The following C12orf42 variants were observed in gnomAD, a reference collection of about 807,000 sequenced individuals.
C12orf42 encodes the protein uncharacterized protein C12orf42.
In C12orf42, 25 loss-of-function variants were observed where a neutral mutation model predicts 21.6. That is an observed-to-expected ratio of 1.16 (90% CI 0.84 to 1.62). C12orf42 has a LOEUF of 1.62. Among genes scored for constraint, C12orf42 ranks in the 40% most tolerant of loss-of-function variants. C12orf42 has a pLI of 0.00. For missense variants in C12orf42, 483 were observed against 459.3 expected, an observed-to-expected ratio of 1.05 and a Z score of -0.47; for synonymous variants, 174 against 175.0, an observed-to-expected ratio of 0.99 and a Z score of 0.05.
chr12:103,260,739 A>G (rs1210907749), intron 10 of C12orf42, among the ~76,000 whole-genome samples: 2 of 152,252 alleles, frequency 1.3e-5, no homozygotes, highest in Non-Finnish European at 2.9e-5. Context: ...TAGGCATACC[A>G]TGCAAATGCA....
At chr12:103,506,685 T>C in the C12orf42 span, among the ~76,000 whole-genome samples, 1 of 148,550 alleles carries the variant, frequency 6.7e-6, no homozygotes, top group African/African-American at 2.5e-5. Context: ...TTCTCAGTAA[T>C]GTTCCAATTG....
intron 2 of C12orf42, among the ~76,000 whole-genome samples, chr12:103,468,246 G>A (rs1565877367): frequency 6.6e-6 from 1 of 152,140 alleles, no homozygotes. Context: ...TTAATTAGAT[G>A]TAATGATCAG....
the C12orf42 span, among the ~76,000 whole-genome samples, chr12:103,523,297 T>C: frequency 2.0e-5 from 3 of 152,190 alleles, no homozygotes; most frequent in Non-Finnish European, 4.4e-5. Context: ...TTAGACAGCC[T>C]ATGTGTATAC....
chr12:103,554,646 C>T, the C12orf42 span, among the ~76,000 whole-genome samples: 1 of 151,860 alleles, frequency 6.6e-6, no homozygotes, highest in African/African-American at 2.4e-5. Context: ...CTGAAGAGGC[C>T]CCAGAAAACT....
intron 2 of C12orf42, among the ~76,000 whole-genome samples, chr12:103,415,499 A>T (rs1331958204): frequency 6.6e-6 from 1 of 152,208 alleles, no homozygotes; most frequent in Admixed American, 6.5e-5. Flanking sequence ...TGCACACAGA[A>T]CATATTCTAA....
At chr12:103,198,527 C>G in the C12orf42 span, among the ~76,000 whole-genome samples, 57,135 of 152,100 alleles carry the variant, frequency 0.38, 11,292 homozygotes, top group South Asian at 0.45. Flanking sequence ...GGGCATCCCT[C>G]GCCATGCTCC....
chr12:103,439,059 G>T (rs967005909), intron 2 of C12orf42, among the ~76,000 whole-genome samples: 1 of 151,982 alleles, frequency 6.6e-6, no homozygotes, highest in Non-Finnish European at 1.5e-5. Context: ...CCAAAACAGA[G>T]ATATAGATCA....
intron 5 of C12orf42, 139 bp from the exon 6 acceptor site, chr12:103,302,698 C>G (rs531563953): frequency 4.6e-6 from 3 of 656,476 alleles, no homozygotes; most frequent in African/African-American, 1.9e-5. Context: ...AAAAAAAACC[C>G]TGACATGATC....
the C12orf42 span, among the ~76,000 whole-genome samples, chr12:103,228,863 C>T: frequency 2.6e-5 from 4 of 151,180 alleles, no homozygotes; most frequent in South Asian, 4.2e-4. Context: ...CATTCTAGAT[C>T]AAGCCCAGGA....
intron 4 of C12orf42, among the ~76,000 whole-genome samples, chr12:103,286,829 C>T (rs1474291608): frequency 1.3e-5 from 2 of 151,670 alleles, no homozygotes; most frequent in African/African-American, 4.8e-5. Flanking sequence ...GCACTCTAAA[C>T]AGGAATGTGT....
the C12orf42 span, among the ~76,000 whole-genome samples, chr12:103,226,499 AAG>A: frequency 6.6e-6 from 1 of 152,200 alleles, no homozygotes; most frequent in Non-Finnish European, 1.5e-5. Context: ...TTTGATGAAA[AAG>A]AGCCTAAATG....
intron 2 of C12orf42, among the ~76,000 whole-genome samples, chr12:103,447,520 T>C (rs1951656556): frequency 6.6e-6 from 1 of 151,912 alleles, no homozygotes; most frequent in Non-Finnish European, 1.5e-5. Context: ...TTGCTGATGA[T>C]ATAATCATAC....
the C12orf42 span, among the ~76,000 whole-genome samples, chr12:103,072,966 G>T: frequency 6.6e-6 from 1 of 152,090 alleles, no homozygotes; most frequent in South Asian, 2.1e-4. Flanking sequence ...TAAACACGTG[G>T]TACATATACA....
chr12:103,480,003 A>G (rs1954351847), intron 1 of C12orf42, among the ~76,000 whole-genome samples: 1 of 152,102 alleles, frequency 6.6e-6, no homozygotes, highest in Non-Finnish European at 1.5e-5. Context: ...TAGTTTGTAT[A>G]GGATTTAAAT....
chr12:103,334,306 G>T, intron 4 of C12orf42, among the ~76,000 whole-genome samples: 1 of 152,132 alleles, frequency 6.6e-6, no homozygotes, highest in Non-Finnish European at 1.5e-5. Context: ...CAAACAGGAA[G>T]AGAACAAATA....
At chr12:103,139,105 C>T in the C12orf42 span, among the ~76,000 whole-genome samples, 2 of 152,142 alleles carry the variant, frequency 1.3e-5, no homozygotes, top group African/African-American at 2.4e-5. Context: ...ACTTTACTAA[C>T]AAACAAAAAG....
the C12orf42 span, among the ~76,000 whole-genome samples, chr12:103,091,093 A>T: frequency 6.6e-6 from 1 of 152,220 alleles, no homozygotes; most frequent in African/African-American, 2.4e-5. Flanking sequence ...GAATTTTTGA[A>T]TCTATAGCCA....
chr12:103,129,866 A>G, the C12orf42 span, among the ~76,000 whole-genome samples: 80 of 152,174 alleles, frequency 5.3e-4, no homozygotes, highest in Non-Finnish European at 1.0e-3. Flanking sequence ...TCTGTTACCA[A>G]CTACTGCTCC....
chr12:103,562,383 T>A, the C12orf42 span, among the ~76,000 whole-genome samples: 1 of 152,212 alleles, frequency 6.6e-6, no homozygotes, highest in Non-Finnish European at 1.5e-5. Flanking sequence ...GCCATTGTGT[T>A]AGCACATCCC....
Sources: gnomAD v4.1 joint callset for allele counts (sites outside exome capture counted in the v4.1 genomes callset) on GRCh38, gnomAD v4.1.1 for gene constraint, MANE v1.5 for transcripts, NCBI Gene and HGNC (gene_info 2026-07-23, HGNC 2026-07-21) for gene names.